The following ATF7IP variants were observed in gnomAD, a reference collection of about 807,000 sequenced individuals.
ATF7IP encodes activating transcription factor 7 interacting protein.
ATF7IP carries 23 observed loss-of-function variants against 106.4 expected under a neutral mutation model. The observed-to-expected ratio is 0.22, with a 90% CI of 0.16 to 0.31. ATF7IP has a LOEUF of 0.31. Among genes scored for constraint, ATF7IP ranks in the 10% least tolerant of loss-of-function variants. The pLI is 1.00. For synonymous variants in ATF7IP, 542 were observed against 539.0 expected (o/e 1.01, Z -0.08); for missense variants, 1,334 against 1,524.3 (o/e 0.88, Z 2.08).
intron 14 of ATF7IP, among the ~76,000 whole-genome samples, 177 bp from the exon 15 acceptor site, chr12:14,497,477 T>C (rs1219147312): frequency 6.6e-6 from 1 of 152,226 alleles, no homozygotes; most frequent in Non-Finnish European, 1.5e-5. Flanking sequence ...GTTTGTAGCA[T>C]GATTCATTAC....
intron 6 of ATF7IP, among the ~76,000 whole-genome samples, chr12:14,456,320 T>A (rs1328895428): frequency 1.3e-5 from 2 of 150,664 alleles, no homozygotes; most frequent in African/African-American, 4.9e-5. Context: ...GATGCAGGAA[T>A]TATTATATTA....
intron 1 of ATF7IP, among the ~76,000 whole-genome samples, chr12:14,390,756 A>G (rs1319014050): frequency 6.6e-6 from 1 of 152,268 alleles, no homozygotes; most frequent in Non-Finnish European, 1.5e-5. Flanking sequence ...TTGAAAACTT[A>G]CATCTATTTA....
At chr12:14,490,602 G>T (rs570330335) in intron 13 of ATF7IP, among the ~76,000 whole-genome samples, 1 of 152,074 alleles carries the variant, frequency 6.6e-6, no homozygotes, top group Non-Finnish European at 1.5e-5. Context: ...TGTACTTGCC[G>T]GTGGTGCCTG....
At chr12:14,480,456 A>T (rs994051077) in intron 12 of ATF7IP, among the ~76,000 whole-genome samples, 19 of 152,152 alleles carry the variant, frequency 1.2e-4, no homozygotes, top group Non-Finnish European at 2.1e-4. Context: ...TTACTGTTTT[A>T]AAAAAAGATA....
At chr12:14,488,361 C>T (rs1469055591) in intron 13 of ATF7IP, among the ~76,000 whole-genome samples, 2 of 152,120 alleles carry the variant, frequency 1.3e-5, no homozygotes, top group African/African-American at 4.8e-5. Context: ...CACCCAAAAA[C>T]AGAGGAACTT....
rs1221948558 is a variant in ATF7IP, at chr12:14,436,321, A to T, written c.1791+70A>T. 4.3e-6 allele frequency: 6 copies of T among 1,405,494 alleles called. No individual in the cohort carries two copies. The East Asian group carries it at 9.3e-5, about 22-fold the overall frequency. 87.1% of individuals were successfully genotyped at this position (1,405,494 alleles called of 1,614,324 possible). On this transcript the variant is annotated intron_variant, in intron 4 of 14. Transcript: ENST00000261168. ...ACCACTATCTTCTTCTAGGTTTCTG[A>T]CATTATTCTGTATTTTATTGACATA...
intron 8 of ATF7IP, among the ~76,000 whole-genome samples, chr12:14,457,744 A>T (rs1482247567): frequency 6.6e-6 from 1 of 152,222 alleles, no homozygotes; most frequent in Non-Finnish European, 1.5e-5. Context: ...TTATCAGTCG[A>T]AATGAAGTAG....
chr12:14,495,220 T>C (rs953515526), intron 13 of ATF7IP, among the ~76,000 whole-genome samples: 25 of 152,202 alleles, frequency 1.6e-4, no homozygotes, highest in African/African-American at 6.0e-4. Flanking sequence ...TTAATCTCTT[T>C]TGGCAACATC....
intron 2 of ATF7IP, 109 bp from the exon 3 acceptor site, chr12:14,434,228 A>G (rs962968037): frequency 3.0e-6 from 2 of 672,386 alleles, no homozygotes; most frequent in African/African-American, 1.8e-5. Flanking sequence ...TGGGACTCTG[A>G]TTTCATAAAA....
At chr12:14,470,837 A>G (rs1223111853) in intron 10 of ATF7IP, among the ~76,000 whole-genome samples, 1 of 152,222 alleles carries the variant, frequency 6.6e-6, no homozygotes, top group Non-Finnish European at 1.5e-5. Context: ...TACTTGTAGT[A>G]TATGATAATA....
chr12:14,462,729 A>C (rs1487854362), intron 9 of ATF7IP, among the ~76,000 whole-genome samples: 1 of 151,960 alleles, frequency 6.6e-6, no homozygotes, highest in Non-Finnish European at 1.5e-5. Flanking sequence ...GTTTCATTTG[A>C]CTATTCTTAA....
intron 1 of ATF7IP, among the ~76,000 whole-genome samples, chr12:14,415,496 T>C (rs1456963847): frequency 6.6e-6 from 1 of 152,186 alleles, no homozygotes; most frequent in African/African-American, 2.4e-5. Context: ...GTCTAGGGAA[T>C]TGTTGGTAAA....
intron 1 of ATF7IP, among the ~76,000 whole-genome samples, chr12:14,375,710 A>G (rs1450405210): frequency 2.0e-5 from 3 of 152,166 alleles, no homozygotes; most frequent in South Asian, 2.1e-4. Flanking sequence ...TACCACCTAC[A>G]TGGTAGTGTT....
At chr12:14,425,842 A>G (rs960124841) in intron 2 of ATF7IP, among the ~76,000 whole-genome samples, 2 of 152,210 alleles carry the variant, frequency 1.3e-5, no homozygotes, top group Non-Finnish European at 2.9e-5. Context: ...CTAAAAGCCT[A>G]ATAGTTTAAT....
At chr12:14,428,182 C>T (rs1201599457) in intron 2 of ATF7IP, among the ~76,000 whole-genome samples, 1 of 151,842 alleles carries the variant, frequency 6.6e-6, no homozygotes, top group Non-Finnish European at 1.5e-5. Flanking sequence ...AAGCAAATTG[C>T]AGCTTATGAT....
rs61922693 is a variant in ATF7IP at position 14,479,995 on chromosome 12, G to A, written c.3098-1008G>A. ...GGCAGTGTAGATTATGGAATGGGGA[G>A]TAAAGAGATGAAAAAATAAATGTTC... On this transcript the variant is annotated intron_variant, in intron 12 of 14. Coordinates refer to ENST00000261168, the MANE Select transcript of ATF7IP (RefSeq NM_018179.5). 1.9e-3 allele frequency among the ~76,000 whole-genome samples: 294 copies of A among 152,186 alleles called. 1 individual carries two copies. Among genetic ancestry groups the A allele is most frequent in the Non-Finnish European group, 1.7e-3 (116 of 67,942 alleles).
At chr12:14,487,867 C>G (rs1944677695) in intron 13 of ATF7IP, among the ~76,000 whole-genome samples, 1 of 152,148 alleles carries the variant, frequency 6.6e-6, no homozygotes, top group African/African-American at 2.4e-5. Flanking sequence ...CATTATGTTC[C>G]TTGGTTCTCC....
intron 1 of ATF7IP, among the ~76,000 whole-genome samples, chr12:14,380,034 T>C (rs887685565): frequency 2.0e-5 from 3 of 152,202 alleles, no homozygotes; most frequent in African/African-American, 7.2e-5. Flanking sequence ...GGATGGATAC[T>C]CCAATTGTAT....
At chr12:14,458,559 C>T (rs925090889) in intron 8 of ATF7IP, among the ~76,000 whole-genome samples, 2 of 152,124 alleles carry the variant, frequency 1.3e-5, no homozygotes, top group East Asian at 1.9e-4. Context: ...TGGTGGCTTA[C>T]GACTGTAATC....
Sources: allele counts gnomAD v4.1 joint callset (sites outside exome capture counted in the v4.1 genomes callset), GRCh38; gene constraint gnomAD v4.1.1; transcripts MANE v1.5; gene names NCBI Gene and HGNC (gene_info 2026-07-23, HGNC 2026-07-21).